SEC24A: variants seen among roughly 807,000 people sequenced by gnomAD.
The protein encoded by SEC24A is protein transport protein Sec24A.
A neutral mutation model predicts 129.4 loss-of-function variants in SEC24A; 93 were observed. The ratio of observed to expected loss-of-function variants is 0.72; its 90% CI spans 0.61 to 0.85. The LOEUF is 0.85. Among genes scored for constraint, SEC24A ranks in the 40% least tolerant of loss-of-function variants. SEC24A has a pLI of 0.00. For missense variants in SEC24A, 1,264 were observed against 1,307.4 expected, an observed-to-expected ratio of 0.97 and a Z score of 0.51; for synonymous variants, 460 against 467.3, an observed-to-expected ratio of 0.98 and a Z score of 0.20.
intron 7 of SEC24A, among the ~76,000 whole-genome samples, chr5:134,678,578 A>T (rs34721808): frequency 0.043 from 6,372 of 149,678 alleles, 153 homozygotes; most frequent in Non-Finnish European, 0.062. Context: ...ATATATATAT[A>T]TATTTTTTTA....
chr5:134,652,362 C>T (rs1264122543), intron 1 of SEC24A, among the ~76,000 whole-genome samples: 1 of 151,724 alleles, frequency 6.6e-6, no homozygotes, highest in Non-Finnish European at 1.5e-5. Context: ...GATCTTGGCT[C>T]ACTGCAACCT....
At chr5:134,713,527 C>T (rs933504085) in intron 18 of SEC24A, among the ~76,000 whole-genome samples, 3 of 151,978 alleles carry the variant, frequency 2.0e-5, no homozygotes, top group Admixed American at 2.0e-4. Context: ...TTTTTTTGTC[C>T]TAGCAGTTAG....
chr5:134,654,299 G>A (rs775430721), intron 1 of SEC24A, among the ~76,000 whole-genome samples: 1 of 151,784 alleles, frequency 6.6e-6, no homozygotes, highest in Non-Finnish European at 1.5e-5. Context: ...TTGGCTCACT[G>A]CAGCCTCTGC....
intron 1 of SEC24A, among the ~76,000 whole-genome samples, chr5:134,655,006 C>T (rs1419837952): frequency 1.3e-5 from 2 of 152,056 alleles, no homozygotes; most frequent in Non-Finnish European, 2.9e-5. Flanking sequence ...TGAACCACTA[C>T]GCCTGGCCCA....
chr5:134,708,091 C>T (rs1002986625), intron 17 of SEC24A, among the ~76,000 whole-genome samples: 4 of 151,984 alleles, frequency 2.6e-5, no homozygotes, highest in East Asian at 3.9e-4. Context: ...ACCACACCAC[C>T]GCACTCCAGC....
intron 11 of SEC24A, among the ~76,000 whole-genome samples, chr5:134,691,502 CTTT>C (rs557222613): frequency 2.4e-5 from 3 of 125,380 alleles, no homozygotes; most frequent in Non-Finnish European, 1.7e-5. Flanking sequence ...TGTGGGCCTT[CTTT>C]TTTTTTTTTT....
At position 134,670,857 on chromosome 5, in the gene SEC24A, C is replaced by T. The variant is rs534779598; in HGVS notation, c.740-952C>T. ...CAAAAACATTAGCCAGGCGTGGTGA[C>T]GGGCACATGTAGTCCCAGCTACATG... On this transcript the variant is annotated intron_variant, in intron 3 of 22. Transcript: ENST00000398844. 6.6e-5 allele frequency among the ~76,000 whole-genome samples: 10 copies of T among 151,932 alleles called. No individual in the cohort carries two copies. In the South Asian group the frequency reaches 1.2e-3, roughly 19 times the overall value.
At chr5:134,684,257 T>C (rs1345914957) in intron 9 of SEC24A, among the ~76,000 whole-genome samples, 2 of 147,822 alleles carry the variant, frequency 1.4e-5, no homozygotes, top group Admixed American at 6.9e-5. Context: ...GAGCCAAGGT[T>C]GCGCCACCAC....
chr5:134,661,026 T>C (rs1750437684), intron 1 of SEC24A, 93 bp from the exon 2 acceptor site: 3 of 910,192 alleles, frequency 3.3e-6, no homozygotes, highest in Non-Finnish European at 5.1e-6. Flanking sequence ...TATGTGTTTT[T>C]ATTGCTGACT....
chr5:134,668,213 GAATACAATC>G (rs1216700830), intron 3 of SEC24A, among the ~76,000 whole-genome samples: 6 of 152,300 alleles, frequency 3.9e-5, no homozygotes, highest in African/African-American at 1.2e-4. Flanking sequence ...TTCTACTACT[GAATACAATC>G]AATATTATCA....
chr5:134,703,046 T>C (rs890081544), intron 15 of SEC24A, among the ~76,000 whole-genome samples: 20 of 152,168 alleles, frequency 1.3e-4, no homozygotes, highest in Admixed American at 5.2e-4. Context: ...ATTACAGGCA[T>C]GAGCCATTGT....
At chr5:134,658,934 G>A (rs952721729) in intron 1 of SEC24A, among the ~76,000 whole-genome samples, 2 of 152,044 alleles carry the variant, frequency 1.3e-5, no homozygotes, top group Non-Finnish European at 2.9e-5. Flanking sequence ...CTTTTGGAAG[G>A]CTCTGTTTTA....
chr5:134,672,434 C>T (rs984809921), intron 4 of SEC24A, among the ~76,000 whole-genome samples: 14 of 152,070 alleles, frequency 9.2e-5, no homozygotes, highest in East Asian at 1.9e-4. Context: ...GTGATCTGCC[C>T]GCCTCGGCCT....
chr5:134,698,926 C>T (rs572438047), intron 15 of SEC24A, among the ~76,000 whole-genome samples: 13 of 151,802 alleles, frequency 8.6e-5, no homozygotes, highest in Non-Finnish European at 1.6e-4. Context: ...AGTGACCGCA[C>T]ACAGCCTAGA....
intron 15 of SEC24A, among the ~76,000 whole-genome samples, chr5:134,701,442 A>G (rs534941638): frequency 3.9e-5 from 6 of 152,214 alleles, no homozygotes; most frequent in South Asian, 2.1e-4. Flanking sequence ...TTGTCAAGAC[A>G]GAGGCTATTT....
At chr5:134,654,372 C>G (rs940415627) in intron 1 of SEC24A, among the ~76,000 whole-genome samples, 7 of 151,736 alleles carry the variant, frequency 4.6e-5, no homozygotes, top group Admixed American at 2.6e-4. Flanking sequence ...CAGGCGTGCA[C>G]CACCATGCTC....
intron 2 of SEC24A, among the ~76,000 whole-genome samples, chr5:134,662,307 A>G (rs1374657318): frequency 6.6e-6 from 1 of 151,854 alleles, no homozygotes; most frequent in East Asian, 1.9e-4. Context: ...GGTGCCCGCC[A>G]CCACGCCCGG....
At chr5:134,710,160 A>G (rs1347503919) in intron 18 of SEC24A, among the ~76,000 whole-genome samples, 1 of 150,884 alleles carries the variant, frequency 6.6e-6, no homozygotes, top group Non-Finnish European at 1.5e-5. Flanking sequence ...TGGCCTCCCA[A>G]ATTGCTAGGA....
intron 13 of SEC24A, among the ~76,000 whole-genome samples, chr5:134,696,408 T>TA (rs201145175): frequency 6.6e-6 from 1 of 151,970 alleles, no homozygotes; most frequent in African/African-American, 2.4e-5. Context: ...TTAGTTACAA[T>TA]AAAAAAATCT....
Sources: gnomAD v4.1 joint callset for allele counts (sites outside exome capture counted in the v4.1 genomes callset) on GRCh38, gnomAD v4.1.1 for gene constraint, MANE v1.5 for transcripts, NCBI Gene and HGNC (gene_info 2026-07-23, HGNC 2026-07-21) for gene names.